The following SPTLC2 variants were observed in gnomAD, a reference collection of about 807,000 sequenced individuals.
The protein encoded by SPTLC2 is serine palmitoyltransferase 2.
Under a neutral mutation model 62.0 loss-of-function variants are expected in SPTLC2, and 21 were observed. That is an observed-to-expected ratio of 0.34 (90% CI 0.24 to 0.49). The LOEUF is 0.49. Among genes scored for constraint, SPTLC2 ranks in the 20% least tolerant of loss-of-function variants. SPTLC2 has a pLI of 0.99. For missense variants in SPTLC2, 511 were observed against 713.0 expected (o/e 0.72, Z 3.23); for synonymous variants, 261 against 261.8 (o/e 1.00, Z 0.03).
At chr14:77,559,773 C>T (rs2140024360) in intron 6 of SPTLC2, among the ~76,000 whole-genome samples, 1 of 152,132 alleles carries the variant, frequency 6.6e-6, no homozygotes. Flanking sequence ...TGCCTACAGT[C>T]CTAGCTACTC....
intron 9 of SPTLC2, among the ~76,000 whole-genome samples, chr14:77,529,642 T>TTTTTTTTTTTTTTTTTTTTG (rs869265987): frequency 1.1e-5 from 1 of 94,948 alleles, no homozygotes; most frequent in African/African-American, 4.1e-5. Flanking sequence ...TTTTTTTTTT[T>TTTTTTTTTTTTTTTTTTTTG]GAGACAGAGT....
chr14:77,529,620 C>CTTTTTTTTTTT (rs71452856), intron 9 of SPTLC2, among the ~76,000 whole-genome samples: 10 of 76,050 alleles, frequency 1.3e-4, no homozygotes, highest in East Asian at 7.3e-4. Flanking sequence ...TTCTTTCTTT[C>CTTTTTTTTTTT]TTTTTTTTTT....
At position 77,529,620 on chromosome 14, in the gene SPTLC2, C is replaced by CTTTCTTTTTTTTTTTTTTTTTTTTTTTT. The variant is rs1555373703; in HGVS notation, c.1304-8040_1304-8039insAAAAAAAAAAAAAAAAAAAAAAAAGAAA. Among the ~76,000 whole-genome samples the CTTTCTTTTTTTTTTTTTTTTTTTTTTTT allele has an allele frequency of 1.2e-3, 91 of 76,062 alleles. 4 individuals are homozygous for CTTTCTTTTTTTTTTTTTTTTTTTTTTTT. The highest frequency in any genetic ancestry group is 2.9e-3 in the East Asian group (4 of 1,368). The allele number at this position is 76,062 out of a possible 152,430, so 49.9% of individuals were successfully genotyped here. A position where few individuals can be genotyped will look rare whatever the true frequency, so the allele number is the denominator to read the frequency against. On this transcript the variant is annotated intron_variant, in intron 9 of 11. Coordinates refer to ENST00000216484, the MANE Select transcript of SPTLC2 (RefSeq NM_004863.4). ...TTCTAGGAAAGCAATTTCTTTCTTTCTTTTTTTTTTTTTTTTTTTTTTGAG... is the reference window on the plus strand; with the variant it reads ...TTCTAGGAAAGCAATTTCTTTCTTTCTTTCTTTTTTTTTTTTTTTTTTTTTTTTTTTTTTTTTTTTTTTTTTTTTTGAG...
At chr14:77,557,659 C>T (rs976295378) in intron 6 of SPTLC2, among the ~76,000 whole-genome samples, 3 of 152,216 alleles carry the variant, frequency 2.0e-5, no homozygotes, top group Non-Finnish European at 4.4e-5. Context: ...ACTCAATAAA[C>T]GCTTGTTAAA....
chr14:77,593,702 T>C (rs2079831475), intron 2 of SPTLC2, among the ~76,000 whole-genome samples: 1 of 152,184 alleles, frequency 6.6e-6, no homozygotes, highest in Non-Finnish European at 1.5e-5. Context: ...TAAACTGGGC[T>C]CTCTTTTATA....
chr14:77,512,104 T>A lies in SPTLC2; in HGVS notation c.*180A>T. The stretch of plus-strand genomic sequence containing the variant: ...AGGTGAGATTTAGCAAAGGAAGGAT[T>A]AGAAGCAGTTTTTTACTATTTACAA... On this transcript the variant is annotated 3_prime_UTR_variant, in exon 12 of 12. Coordinates refer to ENST00000216484, the MANE Select transcript of SPTLC2 (RefSeq NM_004863.4). The A allele has an allele frequency of 1.3e-6, 1 of 758,940 alleles. No individual in the cohort carries two copies. 47.0% of individuals were successfully genotyped at this position (758,940 alleles called of 1,614,324 possible). A position where few individuals can be genotyped will look rare whatever the true frequency, so the allele number is the denominator to read the frequency against.
rs145060822 is a variant in SPTLC2, at chr14:77,543,983, G to A, written c.1303+8113C>T. 1.5e-3 allele frequency among the ~76,000 whole-genome samples: 224 copies of A among 152,124 alleles called. 2 individuals are homozygous for A. Among genetic ancestry groups the A allele is most frequent in the Non-Finnish European group, 2.7e-3 (185 of 68,010 alleles). ...TCAGTAGAGCTGCTTTGGTACTGAG[G>A]TAAAAAAGTTAAAAGGAAAAAAAGA... On this transcript the variant is annotated intron_variant, in intron 9 of 11. Transcript: ENST00000216484.
At chr14:77,527,894 C>T (rs2079417239) in intron 9 of SPTLC2, among the ~76,000 whole-genome samples, 1 of 152,174 alleles carries the variant, frequency 6.6e-6, no homozygotes. Context: ...ATATGATTTC[C>T]AGTTTAGCTG....
chr14:77,602,205 A>C (rs1182187306), intron 1 of SPTLC2, among the ~76,000 whole-genome samples: 1 of 152,168 alleles, frequency 6.6e-6, no homozygotes, highest in East Asian at 1.9e-4. Flanking sequence ...CTACACTGCA[A>C]TCCCAAATTC....
chr14:77,590,938 T>G (rs2079812513), intron 2 of SPTLC2, among the ~76,000 whole-genome samples: 1 of 152,092 alleles, frequency 6.6e-6, no homozygotes, highest in African/African-American at 2.4e-5. Context: ...ACAGGGAAAC[T>G]CTTGCAAACC....
chr14:77,593,716 A>C (rs1311637539), intron 2 of SPTLC2, among the ~76,000 whole-genome samples: 4 of 152,216 alleles, frequency 2.6e-5, no homozygotes, highest in African/African-American at 9.6e-5. Context: ...TTTTATAATG[A>C]AATGAGGAAG....
intron 9 of SPTLC2, among the ~76,000 whole-genome samples, chr14:77,536,866 T>C (rs750411570): frequency 5.3e-5 from 8 of 152,092 alleles, no homozygotes; most frequent in Admixed American, 2.6e-4. Context: ...TACAAGCAAT[T>C]TGTAAATTTT....
intron 1 of SPTLC2, among the ~76,000 whole-genome samples, chr14:77,603,275 T>G (rs1355136002): frequency 6.6e-6 from 1 of 152,238 alleles, no homozygotes; most frequent in African/African-American, 2.4e-5. Context: ...TTTTAAAAAC[T>G]TAATGTCTAA....
chr14:77,573,789 G>A (rs1238683773), intron 4 of SPTLC2, among the ~76,000 whole-genome samples: 2 of 152,120 alleles, frequency 1.3e-5, no homozygotes, highest in South Asian at 4.1e-4. Context: ...CTTCCATCAC[G>A]CCCAGCTAAT....
chr14:77,582,424 GA>G (rs1478791541), intron 2 of SPTLC2, among the ~76,000 whole-genome samples: 1 of 152,080 alleles, frequency 6.6e-6, no homozygotes, highest in African/African-American at 2.4e-5. Context: ...AATATTAAGA[GA>G]AATATTTCCT....
chr14:77,511,205 A>G lies in SPTLC2; in HGVS notation c.*1079T>C, dbSNP rs1040643190. On this transcript the variant is annotated 3_prime_UTR_variant, in exon 12 of 12. Transcript: ENST00000216484. ...GTGGGTTAGCTTCTAAGAGGCCTAA[A>G]TTAATAAACCTAATCCTTAAATAGG... 2.6e-5 allele frequency: 4 copies of G among 152,264 alleles called. No homozygotes were observed. Among genetic ancestry groups the G allele is most frequent in the Admixed American group, 2.6e-4 (4 of 15,288 alleles). The allele number at this position is 152,264 out of a possible 1,614,324, so 9.4% of individuals were successfully genotyped here.
At chr14:77,572,896 T>C (rs1041090686) in intron 4 of SPTLC2, among the ~76,000 whole-genome samples, 1 of 152,200 alleles carries the variant, frequency 6.6e-6, no homozygotes, top group Admixed American at 6.5e-5. Context: ...CTGGATTAGA[T>C]TTGGGTTTAA....
chr14:77,602,856 G>A (rs1267418432), intron 1 of SPTLC2, among the ~76,000 whole-genome samples: 2 of 152,184 alleles, frequency 1.3e-5, no homozygotes, highest in Non-Finnish European at 2.9e-5. Flanking sequence ...TTACAGGCAT[G>A]AGCCACTGTG....
intron 2 of SPTLC2, among the ~76,000 whole-genome samples, chr14:77,593,286 A>G (rs2079828510): frequency 6.6e-6 from 1 of 152,152 alleles, no homozygotes; most frequent in South Asian, 2.1e-4. Context: ...CTATCTAAAT[A>G]TTAGAATATT....
Sources: gnomAD v4.1 joint callset for allele counts (sites outside exome capture counted in the v4.1 genomes callset) on GRCh38, gnomAD v4.1.1 for gene constraint, MANE v1.5 for transcripts, NCBI Gene and HGNC (gene_info 2026-07-23, HGNC 2026-07-21) for gene names.